The following ST7 variants were observed in gnomAD, a reference collection of about 807,000 sequenced individuals.
ST7 encodes the protein suppressor of tumorigenicity 7 protein.
A neutral mutation model predicts 78.7 loss-of-function variants in ST7; 28 were observed. The ratio of observed to expected loss-of-function variants is 0.36; its 90% CI spans 0.26 to 0.49. The LOEUF (loss-of-function observed/expected upper bound fraction) is 0.49. ST7 is among the 20% of genes least tolerant of loss of function. The pLI is 0.99. For missense variants in ST7, 418 were observed against 696.0 expected (o/e 0.60, Z 4.49); for synonymous variants, 247 against 249.6 (o/e 0.99, Z 0.10).
At chr7:117,079,968 CTTTTTTTTTT>C (rs34326752) in intron 1 of ST7, among the ~76,000 whole-genome samples, 24 of 65,434 alleles carry the variant, frequency 3.7e-4, no homozygotes, top group Admixed American at 7.5e-4. Context: ...TTTGTCATTC[CTTTTTTTTTT>C]TTTTTTTTTT....
At chr7:116,958,715 G>A (rs1486970324) in intron 1 of ST7, 1 of 470,858 alleles carries the variant, frequency 2.1e-6, no homozygotes. Context: ...TGGTTTCCCA[G>A]TGCATATAAA....
rs1177473616 is a variant in ST7, at chr7:116,998,919, GGA to G, written c.151+45229_151+45230del. Reference sequence around the variant, plus strand: ...CAAGCTATCTCTCTGCACTATCAGGGGAAGAATGTTTCAGGCAGAAGGAACAG... The same window carrying G: ...CAAGCTATCTCTCTGCACTATCAGGGAGAATGTTTCAGGCAGAAGGAACAG... On this transcript the variant is annotated intron_variant, in intron 1 of 15. Transcript: ENST00000323984. Among the ~76,000 whole-genome samples the G allele has an allele frequency of 2.0e-5, 3 of 152,284 alleles. No individual in the cohort carries two copies. The East Asian group carries it at 5.8e-4, about 29-fold the overall frequency.
intron 9 of ST7, among the ~76,000 whole-genome samples, chr7:117,165,710 G>T (rs977642059): frequency 2.0e-5 from 3 of 152,114 alleles, no homozygotes; most frequent in African/African-American, 7.2e-5. Flanking sequence ...AAGGACTCTG[G>T]TAGTTCAGGC....
intron 1 of ST7, among the ~76,000 whole-genome samples, chr7:117,056,061 G>A (rs1056662783): frequency 2.0e-5 from 3 of 152,072 alleles, no homozygotes; most frequent in African/African-American, 7.2e-5. Flanking sequence ...TTTCTGCCTG[G>A]TTTATATTCA....
chr7:117,062,129 G>A (rs924811198), intron 1 of ST7, among the ~76,000 whole-genome samples: 1 of 152,152 alleles, frequency 6.6e-6, no homozygotes, highest in Non-Finnish European at 1.5e-5. Context: ...GGGAGAGAGG[G>A]AGAGAGGAAG....
At chr7:117,092,189 G>C (rs1800668481) in intron 1 of ST7, among the ~76,000 whole-genome samples, 1 of 146,984 alleles carries the variant, frequency 6.8e-6, no homozygotes, top group Admixed American at 7.1e-5. Flanking sequence ...TGAGGCAGGA[G>C]AATGGCGTGA....
At chr7:117,178,030 G>A (rs2117307284) in intron 10 of ST7, among the ~76,000 whole-genome samples, 1 of 152,258 alleles carries the variant, frequency 6.6e-6, no homozygotes, top group African/African-American at 2.4e-5. Context: ...GCTTCCAAGA[G>A]CATCTGTGAA....
chr7:117,136,181 T>C lies in ST7; in HGVS notation c.811T>C (p.Tyr271His). The stretch of plus-strand genomic sequence containing the variant: ...GGCCCTGAAGGCTGGAGATGGCTGT[T>C]ACCGACGCTCTCAGCAGCTACAACA... ...KQALKAGDGC[Y>H]RRSQQLQHHG... Residue 271 changes from tyrosine to histidine, a missense_variant, in exon 8 of 16, where the codon TAC becomes CAC. Tyr to His is a moderately conservative substitution (Grantham distance 83). This residue lies in a region of ST7 where 288 missense variants were observed against 537.1 expected (regional missense o/e 0.54). Transcript: ENST00000323984. 6.2e-7 allele frequency: 1 copy of C among 1,613,596 alleles called. No individual in the cohort carries two copies. Among genetic ancestry groups the C allele is most frequent in the Non-Finnish European group, 8.5e-7 (1 of 1,179,676 alleles).
At chr7:117,088,614 A>G (rs1053382024) in intron 1 of ST7, among the ~76,000 whole-genome samples, 5 of 152,188 alleles carry the variant, frequency 3.3e-5, no homozygotes, top group Non-Finnish European at 5.9e-5. Flanking sequence ...GCTTTGTAGC[A>G]TGTAATCTTC....
chr7:117,140,834 T>C (rs1337100334), intron 9 of ST7, among the ~76,000 whole-genome samples: 1 of 152,114 alleles, frequency 6.6e-6, no homozygotes, highest in Non-Finnish European at 1.5e-5. Flanking sequence ...CTCTCAGACA[T>C]GGTAGAGATA....
chr7:117,201,917 A>T (rs1283930595), intron 12 of ST7, among the ~76,000 whole-genome samples: 2 of 151,488 alleles, frequency 1.3e-5, no homozygotes, highest in Non-Finnish European at 2.9e-5. Context: ...CATGTTTTCC[A>T]GGGAGCTCTA....
At chr7:117,157,252 GC>G (rs1472445427) in intron 9 of ST7, among the ~76,000 whole-genome samples, 2 of 152,194 alleles carry the variant, frequency 1.3e-5, no homozygotes, top group Non-Finnish European at 2.9e-5. Flanking sequence ...GGAGAAGCCA[GC>G]CCTACATCCT....
intron 12 of ST7, among the ~76,000 whole-genome samples, chr7:117,196,267 C>G (rs1810293495): frequency 6.6e-6 from 1 of 152,208 alleles, no homozygotes; most frequent in South Asian, 2.1e-4. Context: ...GCTTTCACTT[C>G]TTTTGAATGA....
chr7:116,968,241 T>C (rs1585058539), intron 1 of ST7, among the ~76,000 whole-genome samples: 22 of 125,182 alleles, frequency 1.8e-4, no homozygotes, highest in South Asian at 6.1e-4. Context: ...CCCTATCCCC[T>C]CCCCTACTTC....
intron 15 of ST7, among the ~76,000 whole-genome samples, chr7:117,224,526 C>T (rs1380482400): frequency 6.6e-6 from 1 of 152,114 alleles, no homozygotes; most frequent in Non-Finnish European, 1.5e-5. Flanking sequence ...TTACATTAAA[C>T]AATTATTGCT....
intron 1 of ST7, among the ~76,000 whole-genome samples, chr7:117,019,814 A>G (rs1279353484): frequency 2.6e-5 from 4 of 152,218 alleles, no homozygotes; most frequent in African/African-American, 7.2e-5. Flanking sequence ...TGATCTGTCA[A>G]TCTACCATAA....
intron 10 of ST7, chr7:117,173,665 C>T (rs1035669079): frequency 1.3e-5 from 2 of 152,242 alleles, no homozygotes; most frequent in African/African-American, 4.8e-5. Context: ...GGAGACAGCA[C>T]TTAGAATCCC....
At chr7:117,142,426 A>G (rs575271731) in intron 9 of ST7, among the ~76,000 whole-genome samples, 4 of 152,084 alleles carry the variant, frequency 2.6e-5, no homozygotes, top group South Asian at 4.2e-4. Flanking sequence ...CAGCATCCTA[A>G]GCTTCCACCT....
intron 3 of ST7, among the ~76,000 whole-genome samples, chr7:117,120,273 T>A (rs1291142475): frequency 6.6e-6 from 1 of 152,140 alleles, no homozygotes; most frequent in African/African-American, 2.4e-5. Context: ...GTCATTTAGG[T>A]CAGTGTTCCC....
Sources: allele counts gnomAD v4.1 joint callset (sites outside exome capture counted in the v4.1 genomes callset), GRCh38; gene constraint gnomAD v4.1.1; regional missense constraint gnomAD v4.1.1; transcripts MANE v1.5; gene names NCBI Gene and HGNC (gene_info 2026-07-23, HGNC 2026-07-21).